The following MAGI3 variants were observed in gnomAD, a reference collection of about 807,000 sequenced individuals.
MAGI3 encodes the protein membrane-associated guanylate kinase, WW and PDZ domain-containing protein 3.
MAGI3 carries 43 observed loss-of-function variants against 121.8 expected under a neutral mutation model. The ratio of observed to expected loss-of-function variants is 0.35; its 90% CI spans 0.28 to 0.46. MAGI3 has a LOEUF of 0.46. Among genes scored for constraint, MAGI3 ranks in the 20% least tolerant of loss-of-function variants. MAGI3 has a pLI of 1.00. For synonymous variants in MAGI3, 553 were observed against 639.3 expected, an observed-to-expected ratio of 0.86 and a Z score of 2.04; for missense variants, 1,547 against 1,797.3, an observed-to-expected ratio of 0.86 and a Z score of 2.52.
rs562697722 is a variant in MAGI3 at position 113,405,410 on chromosome 1, G to T, written c.316+14061G>T. On this transcript the variant is annotated intron_variant, in intron 1 of 20. Transcript: ENST00000307546. ...GGGAGGATCACTTGAACCCAGGCAG[G>T]TCGAGGCTGCAGTGAGCCATGCTTG... Among the ~76,000 whole-genome samples the T allele has an allele frequency of 2.7e-5, 4 of 147,570 alleles. No homozygotes were observed. The East Asian group carries it at 6.3e-4, about 23-fold the overall frequency.
intron 7 of MAGI3, among the ~76,000 whole-genome samples, chr1:113,615,813 A>G (rs928119712): frequency 1.4e-4 from 21 of 152,212 alleles, no homozygotes; most frequent in Admixed American, 2.6e-4. Context: ...GTGATGTAAA[A>G]AGTATACAGC....
intron 1 of MAGI3, among the ~76,000 whole-genome samples, chr1:113,461,389 T>C (rs1038325870): frequency 6.6e-6 from 1 of 152,014 alleles, no homozygotes; most frequent in African/African-American, 2.4e-5. Context: ...AACAGGCACA[T>C]AGACCAATGG....
chr1:113,504,612 A>T (rs1225147100), intron 1 of MAGI3, among the ~76,000 whole-genome samples: 7 of 152,142 alleles, frequency 4.6e-5, no homozygotes, highest in Non-Finnish European at 2.9e-5. Flanking sequence ...GCTGTTGGAA[A>T]TGTAAGAGTT....
At chr1:113,405,819 A>C (rs1651653541) in intron 1 of MAGI3, among the ~76,000 whole-genome samples, 1 of 152,088 alleles carries the variant, frequency 6.6e-6, no homozygotes, top group African/African-American at 2.4e-5. Flanking sequence ...TCCAAAGAAA[A>C]AACTGACCTT....
chr1:113,402,816 C>T (rs544341558), intron 1 of MAGI3, among the ~76,000 whole-genome samples: 2 of 152,026 alleles, frequency 1.3e-5, no homozygotes, highest in Non-Finnish European at 2.9e-5. Flanking sequence ...TCTCAGGCCA[C>T]GTAAAGCTGG....
intron 6 of MAGI3, among the ~76,000 whole-genome samples, chr1:113,612,007 G>A (rs1203338320): frequency 2.7e-5 from 4 of 150,804 alleles, no homozygotes; most frequent in Non-Finnish European, 1.5e-5. Flanking sequence ...GCAGTGGCAC[G>A]ATCTTGGCTC....
At chr1:113,559,910 T>A (rs965026187) in intron 2 of MAGI3, among the ~76,000 whole-genome samples, 1 of 152,068 alleles carries the variant, frequency 6.6e-6, no homozygotes, top group African/African-American at 2.4e-5. Flanking sequence ...AGACTTAGAC[T>A]CCCACACAAT....
intron 9 of MAGI3, among the ~76,000 whole-genome samples, chr1:113,639,410 C>T (rs1003310223): frequency 1.3e-5 from 2 of 152,212 alleles, no homozygotes; most frequent in East Asian, 1.9e-4. Context: ...TTTGTTTGTT[C>T]GTTTGTTTGA....
intron 1 of MAGI3, among the ~76,000 whole-genome samples, chr1:113,457,070 C>G (rs990348974): frequency 2.6e-5 from 4 of 152,158 alleles, no homozygotes; most frequent in Non-Finnish European, 5.9e-5. Context: ...TGAGCTGATT[C>G]ATGCAAAGGC....
chr1:113,398,482 A>T (rs548642549), intron 1 of MAGI3, among the ~76,000 whole-genome samples: 1 of 152,290 alleles, frequency 6.6e-6, no homozygotes, highest in African/African-American at 2.4e-5. Flanking sequence ...ACTTAATTAA[A>T]ACTTTCTGGC....
intron 4 of MAGI3, among the ~76,000 whole-genome samples, chr1:113,587,986 T>C (rs998305801): frequency 2.0e-5 from 3 of 152,234 alleles, no homozygotes; most frequent in African/African-American, 7.2e-5. Context: ...AATGCCATTG[T>C]GCTAAATGCT....
chr1:113,635,763 C>T (rs1298723810), intron 9 of MAGI3, among the ~76,000 whole-genome samples: 1 of 152,052 alleles, frequency 6.6e-6, no homozygotes, highest in African/African-American at 2.4e-5. Flanking sequence ...GGAGGATTCC[C>T]TCTTTTTCTA....
chr1:113,424,395 C>A (rs908362377), intron 1 of MAGI3, among the ~76,000 whole-genome samples: 3 of 152,040 alleles, frequency 2.0e-5, no homozygotes, highest in Admixed American at 6.6e-5. Flanking sequence ...CTTTTAGAAC[C>A]ATACCCACCT....
chr1:113,660,911 A>AT (rs1653756441), intron 16 of MAGI3, among the ~76,000 whole-genome samples: 1 of 151,402 alleles, frequency 6.6e-6, no homozygotes, highest in African/African-American at 2.4e-5. Context: ...GCCAGCAAAT[A>AT]TTTTTTGAAT....
intron 1 of MAGI3, among the ~76,000 whole-genome samples, chr1:113,425,084 G>GCA (rs1261374335): frequency 5.3e-5 from 8 of 151,718 alleles, no homozygotes; most frequent in Admixed American, 5.2e-4. Context: ...ACTTGAACCT[G>GCA]GGAGATGGAG....
intron 1 of MAGI3, among the ~76,000 whole-genome samples, chr1:113,515,374 G>T (rs6685909): frequency 6.6e-6 from 1 of 151,918 alleles, no homozygotes; most frequent in Admixed American, 6.6e-5. Flanking sequence ...ACTAGGAAAT[G>T]AATTTTTACT....
intron 1 of MAGI3, among the ~76,000 whole-genome samples, chr1:113,417,256 C>T (rs1652500011): frequency 6.6e-6 from 1 of 152,064 alleles, no homozygotes; most frequent in Admixed American, 6.6e-5. Flanking sequence ...CCTGGTTCCT[C>T]CCTGTAGGTT....
At chr1:113,528,313 AAGG>A (rs979914391) in intron 1 of MAGI3, among the ~76,000 whole-genome samples, 5 of 148,064 alleles carry the variant, frequency 3.4e-5, no homozygotes, top group African/African-American at 1.0e-4. Flanking sequence ...TTTTTTTTGA[AAGG>A]AGGAGACTTT....
At chr1:113,633,922 A>G (rs1434021179) in intron 9 of MAGI3, among the ~76,000 whole-genome samples, 24 of 152,118 alleles carry the variant, frequency 1.6e-4, no homozygotes, top group Admixed American at 1.2e-3. Flanking sequence ...TTTAATGATC[A>G]CCATTCTAAC....
Sources: gnomAD v4.1 joint callset for allele counts (sites outside exome capture counted in the v4.1 genomes callset) on GRCh38, gnomAD v4.1.1 for gene constraint, MANE v1.5 for transcripts, NCBI Gene and HGNC (gene_info 2026-07-23, HGNC 2026-07-21) for gene names.